METTL9: variants seen among roughly 807,000 people sequenced by gnomAD.
METTL9 encodes protein-L-histidine N-pros-methyltransferase.
A neutral mutation model predicts 36.0 loss-of-function variants in METTL9; 10 were observed. The ratio of observed to expected loss-of-function variants is 0.28; its 90% CI spans 0.17 to 0.47. The LOEUF is 0.47. Among genes scored for constraint, METTL9 ranks in the 20% least tolerant of loss-of-function variants. The probability of loss-of-function intolerance (pLI) is 0.99; values close to 1 mark genes in which losing one functional copy is unlikely to be tolerated. For synonymous variants in METTL9, 175 were observed against 149.7 expected (o/e 1.17, Z -1.23); for missense variants, 246 against 383.5 (o/e 0.64, Z 3.00).
rs1449630567 is a variant in METTL9 at position 21,599,694 on chromosome 16, C to T, written c.-40C>T. ...CGGCGGTGCCTCCTCCTCCTCGCCC[C>T]GGCGCCGGCGGTGATCCGAGCGAGC... On this transcript the variant is annotated 5_prime_UTR_variant, in exon 1 of 5. Coordinates refer to ENST00000358154, the MANE Select transcript of METTL9 (RefSeq NM_016025.5). The surrounding 1 kb of genome is among the most constrained non-coding windows in gnomAD (Gnocchi z 4.4). 7.6e-6 allele frequency: 11 copies of T among 1,438,958 alleles called. No individual in the cohort carries two copies. Among genetic ancestry groups the T allele is most frequent in the Admixed American group, 2.7e-5 (1 of 37,156 alleles). 89.1% of individuals were successfully genotyped at this position (1,438,958 alleles called of 1,614,324 possible).
Position 21,621,889 on chromosome 16 carries a change from C to T in METTL9, c.567-3042C>T, listed in dbSNP as rs187998947. Among the ~76,000 whole-genome samples, 456 of 151,260 alleles carry T rather than the reference C, an allele frequency of 3.0e-3. 4 individuals are homozygous for T. Among genetic ancestry groups the T allele is most frequent in the African/African-American group, 0.01 (432 of 41,212 alleles). ...GCAAGGCATCTTTTTTTTTGGGAGA[C>T]GGAATCTCTCCCTGTTGCCCAGGCT... On this transcript the variant is annotated intron_variant, in intron 3 of 4. Transcript: ENST00000358154.
intron 4 of METTL9, chr16:21,654,914 A>G (rs1597794484): frequency 5.7e-6 from 2 of 350,230 alleles, no homozygotes; most frequent in South Asian, 7.6e-5. Flanking sequence ...CAGTCAGTCT[A>G]TTGGCAGATA....
rs74542667 is a variant in METTL9, at chr16:21,641,920, G to A, written c.752-13307G>A. The A allele has an allele frequency of 8.7e-3, 1,618 of 186,984 alleles. 57 individuals are homozygous for A. The highest frequency in any genetic ancestry group is 0.081 in the East Asian group (587 of 7,216). 11.6% of individuals were successfully genotyped at this position (186,984 alleles called of 1,614,324 possible). A position where few individuals can be genotyped will look rare whatever the true frequency, so the allele number is the denominator to read the frequency against. ...CCAGCCTCAGAAAGAAAAATGATTT[G>A]TAATTACTCAGCATGGCATCTTAGT... On this transcript the variant is annotated intron_variant, in intron 4 of 4. Transcript: ENST00000358154.
At chr16:21,647,150 G>A (rs2141618877) in intron 4 of METTL9, 1 of 1,614,138 alleles carries the variant, frequency 6.2e-7, no homozygotes, top group Non-Finnish European at 8.5e-7. Flanking sequence ...CACCAGTGTG[G>A]TCCCTCCTCC....
At chr16:21,648,566 A>G (rs1432170400) in intron 4 of METTL9, among the ~76,000 whole-genome samples, 2 of 152,220 alleles carry the variant, frequency 1.3e-5, no homozygotes, top group Non-Finnish European at 2.9e-5. Context: ...ACTGTCCACC[A>G]TGTGGTGCTC....
intron 4 of METTL9, among the ~76,000 whole-genome samples, chr16:21,635,420 G>A (rs879586544): frequency 2.6e-4 from 39 of 152,168 alleles, no homozygotes; most frequent in Middle Eastern, 6.8e-3. Flanking sequence ...CTAGGATATG[G>A]GGGGTAAGCT....
chr16:21,616,074 T>A (rs1259439000), intron 2 of METTL9, among the ~76,000 whole-genome samples: 1 of 152,206 alleles, frequency 6.6e-6, no homozygotes, highest in Admixed American at 6.5e-5. Flanking sequence ...CTCCATTATT[T>A]GTATTTTTTC....
intron 4 of METTL9, among the ~76,000 whole-genome samples, chr16:21,635,982 A>T (rs999624800): frequency 1.3e-5 from 2 of 152,132 alleles, no homozygotes; most frequent in Non-Finnish European, 2.9e-5. Flanking sequence ...CTCGTAGACC[A>T]CAAAGACTGA....
upstream of METTL9, among the ~76,000 whole-genome samples, chr16:21,598,775 G>T (rs1356247542): frequency 6.6e-6 from 1 of 152,132 alleles, no homozygotes; most frequent in Non-Finnish European, 1.5e-5. Flanking sequence ...CAACTTCCCT[G>T]TGCTAATTCA....
At position 21,617,760 on chromosome 16, in the gene METTL9, T is replaced by G. The variant is rs942011605; in HGVS notation, c.357-105T>G. ...AAAAAAATCTTAACCATGTAATAAGTGATTATGGTTGTTGGTGCTGAGTCA... is the reference window on the plus strand; with the variant it reads ...AAAAAAATCTTAACCATGTAATAAGGGATTATGGTTGTTGGTGCTGAGTCA... On this transcript the variant is annotated intron_variant, in intron 2 of 4. Coordinates refer to ENST00000358154, the MANE Select transcript of METTL9 (RefSeq NM_016025.5). The G allele has an allele frequency of 7.2e-5, 71 of 986,128 alleles. 1 individual carries two copies. In the Admixed American group the frequency reaches 1.4e-3, roughly 19 times the overall value. 61.1% of individuals were successfully genotyped at this position (986,128 alleles called of 1,614,324 possible). A position where few individuals can be genotyped will look rare whatever the true frequency, so the allele number is the denominator to read the frequency against.
rs139225891 is a variant in METTL9 at position 21,633,491 on chromosome 16, AT to A, written c.751+8377del. On this transcript the variant is annotated intron_variant, in intron 4 of 4. Transcript: ENST00000358154. ...GGCAAGACTGTCCACGTAAATTGGG[AT>A]GTGTGGTCTGTGGGATCCTCAAAGG... Among the ~76,000 whole-genome samples, 1,344 of 152,230 alleles carry A rather than the reference AT, an allele frequency of 8.8e-3. 45 individuals are homozygous for A. Among genetic ancestry groups the A allele is most frequent in the East Asian group, 0.083 (430 of 5,172 alleles).
At chr16:21,651,590 C>T (rs1966577427) in intron 4 of METTL9, among the ~76,000 whole-genome samples, 1 of 152,050 alleles carries the variant, frequency 6.6e-6, no homozygotes, top group South Asian at 2.1e-4. Flanking sequence ...CATGAACCAC[C>T]ACGCCCAGCC....
At chr16:21,641,557 G>T in intron 4 of METTL9, 1 of 1,590,826 alleles carries the variant, frequency 6.3e-7, no homozygotes, top group Non-Finnish European at 8.6e-7. Context: ...TAGTTGGAAA[G>T]TACTCTTCTG....
In METTL9 at chr16:21,656,424, T is replaced by A. The variant is rs985928710; in HGVS notation, c.*992T>A. 6.6e-6 allele frequency: 1 copy of A among 152,086 alleles called. No homozygotes were observed. The highest frequency in any genetic ancestry group is 2.4e-5 in the African/African-American group (1 of 41,406). The allele number at this position is 152,086 out of a possible 1,614,324, so 9.4% of individuals were successfully genotyped here. A position where few individuals can be genotyped will look rare whatever the true frequency, so the allele number is the denominator to read the frequency against. Reference sequence around the variant, plus strand: ...CTCTTCCCTGAAATCCTTAAAGGAGTTTATTATTTGCCAAGAATATGGTTT... The same window carrying A: ...CTCTTCCCTGAAATCCTTAAAGGAGATTATTATTTGCCAAGAATATGGTTT... On this transcript the variant is annotated 3_prime_UTR_variant, in exon 5 of 5. Transcript: ENST00000358154.
rs1966732202 is a variant in METTL9 at position 21,657,319 on chromosome 16, TCA to T, written c.*1890_*1891del. 6.6e-6 allele frequency: 1 copy of T among 152,080 alleles called. No individual in the cohort carries two copies. Among genetic ancestry groups the T allele is most frequent in the African/African-American group, 2.4e-5 (1 of 41,390 alleles). The allele number at this position is 152,080 out of a possible 1,614,324, so 9.4% of individuals were successfully genotyped here. On this transcript the variant is annotated 3_prime_UTR_variant, in exon 5 of 5. Coordinates refer to ENST00000358154, the MANE Select transcript of METTL9 (RefSeq NM_016025.5). ...TGGTGAAAATTGAAACCAAATCCAC[TCA>T]CATTTCCTATCGGGTCTTGAAATTC...
chr16:21,636,005 T>G (rs1157628960), intron 4 of METTL9, among the ~76,000 whole-genome samples: 1 of 152,070 alleles, frequency 6.6e-6, no homozygotes, highest in Non-Finnish European at 1.5e-5. Context: ...AAAATTGGAT[T>G]TAGTGGCCTT....
At chr16:21,649,087 T>C (rs894986528) in intron 4 of METTL9, among the ~76,000 whole-genome samples, 12 of 152,020 alleles carry the variant, frequency 7.9e-5, no homozygotes, top group Non-Finnish European at 1.5e-4. Flanking sequence ...ACCTCCCAGG[T>C]TCAAGCCATC....
chr16:21,607,759 G>A (rs1965325332), intron 1 of METTL9, among the ~76,000 whole-genome samples: 1 of 152,216 alleles, frequency 6.6e-6, no homozygotes, highest in African/African-American at 2.4e-5. Flanking sequence ...TAGAGTGGGC[G>A]TGTAGTCCTG....
chr16:21,618,521 A>G (rs1171438764), intron 3 of METTL9, among the ~76,000 whole-genome samples: 4 of 152,162 alleles, frequency 2.6e-5, no homozygotes, highest in Non-Finnish European at 2.9e-5. Flanking sequence ...CCAATAAACA[A>G]TAACTCCCCA....
Sources: gnomAD v4.1 joint callset for allele counts (sites outside exome capture counted in the v4.1 genomes callset) on GRCh38, gnomAD v4.1.1 for gene constraint, Gnocchi (gnomAD v3.1) non-coding constraint, MANE v1.5 for transcripts, NCBI Gene and HGNC (gene_info 2026-07-23, HGNC 2026-07-21) for gene names.